Variants in C12orf54 observed in about 807,000 individuals in gnomAD.
C12orf54 encodes the protein uncharacterized protein C12orf54.
Under a neutral mutation model 26.4 loss-of-function variants are expected in C12orf54, and 24 were observed. The ratio of observed to expected loss-of-function variants is 0.91; its 90% CI spans 0.66 to 1.28. The LOEUF is 1.28. Among genes scored for constraint, C12orf54 ranks in the 50% most tolerant of loss-of-function variants. The pLI is 0.00. For missense variants in C12orf54, 154 were observed against 150.9 expected, an observed-to-expected ratio of 1.02 and a Z score of -0.11; for synonymous variants, 54 against 47.0, an observed-to-expected ratio of 1.15 and a Z score of -0.61.
the C12orf54 span, among the ~76,000 whole-genome samples, chr12:48,470,548 T>C: frequency 6.6e-6 from 1 of 152,160 alleles, no homozygotes; most frequent in Non-Finnish European, 1.5e-5. Flanking sequence ...TTAAGTTCCT[T>C]ATAGAGTCTT....
chr12:48,470,884 G>A, the C12orf54 span, among the ~76,000 whole-genome samples: 1 of 151,910 alleles, frequency 6.6e-6, no homozygotes, highest in Non-Finnish European at 1.5e-5. Context: ...GGGATGTTTT[G>A]ATACAGGCAT....
the C12orf54 span, among the ~76,000 whole-genome samples, chr12:48,477,315 C>A: frequency 2.0e-5 from 3 of 151,860 alleles, no homozygotes; most frequent in Non-Finnish European, 4.4e-5. Context: ...AAATTGACAC[C>A]CTAACATCAC....
At chr12:48,462,535 C>T in the C12orf54 span, among the ~76,000 whole-genome samples, 1 of 151,418 alleles carries the variant, frequency 6.6e-6, no homozygotes, top group Admixed American at 6.6e-5. Context: ...GAAGATAACA[C>T]ATTATAACTA....
the C12orf54 span, among the ~76,000 whole-genome samples, chr12:48,465,721 C>G: frequency 3.4e-4 from 51 of 152,202 alleles, no homozygotes; most frequent in African/African-American, 1.1e-3. Flanking sequence ...CACCATGATA[C>G]TATGCAGCCA....
chr12:48,470,927 A>G, the C12orf54 span, among the ~76,000 whole-genome samples: 1 of 152,182 alleles, frequency 6.6e-6, no homozygotes, highest in Non-Finnish European at 1.5e-5. Context: ...TGGATAATGG[A>G]GTATCCATCC....
At chr12:48,477,602 G>A (rs1423835521), upstream of C12orf54, among the ~76,000 whole-genome samples, 2 of 152,188 alleles carry the variant, frequency 1.3e-5, no homozygotes, top group African/African-American at 4.8e-5. Flanking sequence ...ACTACCATCA[G>A]AGAATACTAT....
the C12orf54 span, among the ~76,000 whole-genome samples, chr12:48,461,608 G>A: frequency 2.1e-5 from 3 of 142,550 alleles, no homozygotes; most frequent in Non-Finnish European, 4.5e-5. Context: ...TCAAAATTTG[G>A]AAACTAACGT....
At chr12:48,444,035 G>A in the C12orf54 span, among the ~76,000 whole-genome samples, 1 of 152,170 alleles carries the variant, frequency 6.6e-6, no homozygotes, top group African/African-American at 2.4e-5. Context: ...AAATCCAGAG[G>A]TCCAGACTAA....
At chr12:48,489,297 G>T in intron 5 of C12orf54, 1 of 445,460 alleles carries the variant, frequency 2.2e-6, no homozygotes, top group Non-Finnish European at 4.4e-6. Context: ...CTTATTAGGT[G>T]AGTATGTCTG....
At chr12:48,436,466 G>T in the C12orf54 span, among the ~76,000 whole-genome samples, 1 of 152,026 alleles carries the variant, frequency 6.6e-6, no homozygotes, top group Non-Finnish European at 1.5e-5. Flanking sequence ...ATTTTTTTCA[G>T]CACCACACCA....
intron 2 of C12orf54, among the ~76,000 whole-genome samples, chr12:48,485,097 C>T (rs771145574): frequency 2.6e-5 from 4 of 151,918 alleles, no homozygotes; most frequent in East Asian, 3.9e-4. Context: ...TTATTTTTAG[C>T]GACAGGGCTT....
chr12:48,422,513 A>C, the C12orf54 span, among the ~76,000 whole-genome samples: 1 of 152,200 alleles, frequency 6.6e-6, no homozygotes. Flanking sequence ...CCAATCTAGT[A>C]TCTTCTACAC....
chr12:48,488,762 T>C (rs1937716892), intron 4 of C12orf54, among the ~76,000 whole-genome samples, 162 bp from the exon 5 acceptor site: 1 of 152,226 alleles, frequency 6.6e-6, no homozygotes, highest in Non-Finnish European at 1.5e-5. Context: ...TGGAAGTCAA[T>C]GAGGATTTAT....
the C12orf54 span, among the ~76,000 whole-genome samples, chr12:48,466,970 T>C: frequency 6.6e-6 from 1 of 152,118 alleles, no homozygotes; most frequent in Admixed American, 6.6e-5. Context: ...AATGGTAGTA[T>C]ATGTATATGT....
chr12:48,489,201 G>T (rs1441463037), intron 5 of C12orf54: 6 of 668,078 alleles, frequency 9.0e-6, no homozygotes, highest in African/African-American at 7.1e-5. Context: ...GCTAGAACTT[G>T]TCTCAGCAAG....
At chr12:48,420,393 C>T in the C12orf54 span, among the ~76,000 whole-genome samples, 9 of 152,340 alleles carry the variant, frequency 5.9e-5, no homozygotes, top group East Asian at 1.9e-4. Flanking sequence ...GAATATAAGA[C>T]TTAGCCACCC....
the C12orf54 span, among the ~76,000 whole-genome samples, chr12:48,446,962 G>A: frequency 6.6e-6 from 1 of 152,126 alleles, no homozygotes; most frequent in Non-Finnish European, 1.5e-5. Flanking sequence ...TTCCATCTAT[G>A]AGCATTTTCT....
At chr12:48,446,736 A>G in the C12orf54 span, among the ~76,000 whole-genome samples, 51 of 152,336 alleles carry the variant, frequency 3.3e-4, no homozygotes, top group African/African-American at 1.1e-3. Context: ...AAAAATAGTG[A>G]TTATTATACA....
At chr12:48,471,554 T>C in the C12orf54 span, among the ~76,000 whole-genome samples, 1 of 152,234 alleles carries the variant, frequency 6.6e-6, no homozygotes, top group Non-Finnish European at 1.5e-5. Context: ...TTCATTCTTC[T>C]GCATATGGCT....
Sources: allele counts gnomAD v4.1 joint callset (sites outside exome capture counted in the v4.1 genomes callset), GRCh38; gene constraint gnomAD v4.1.1; transcripts MANE v1.5; gene names NCBI Gene and HGNC (gene_info 2026-07-23, HGNC 2026-07-21).